Variants in IL1RAPL2 observed in about 807,000 individuals in gnomAD.
The protein encoded by IL1RAPL2 is interleukin 1 receptor accessory protein like 2, also known as X-linked interleukin-1 receptor accessory protein-like 2.
A neutral mutation model predicts 44.1 loss-of-function variants in IL1RAPL2; 3 were observed. That is an observed-to-expected ratio of 0.07 (90% confidence interval 0.03 to 0.18). The LOEUF (loss-of-function observed/expected upper bound fraction) is 0.18, where lower values mean the gene tolerates loss of function less well. Ranked by LOEUF, IL1RAPL2 falls within the 10% of genes least tolerant of loss-of-function variation. The pLI is 1.00. For synonymous variants in IL1RAPL2, 181 were observed against 178.8 expected (o/e 1.01, Z -0.10); for missense variants, 391 against 496.4 (o/e 0.79, Z 2.02).
chrX:104,650,604 C>T (rs1227108153), intron 1 of IL1RAPL2, among the ~76,000 whole-genome samples: 1 of 110,923 alleles, frequency 9.0e-6, no homozygotes, highest in African/African-American at 3.3e-5. Flanking sequence ...TTTTCCCTTT[C>T]AATGGGAAAT....
chrX:105,708,988 A>G (rs774809190), intron 6 of IL1RAPL2, among the ~76,000 whole-genome samples: 28 of 112,445 alleles, frequency 2.5e-4, no homozygotes, highest in Non-Finnish European at 4.1e-4. Flanking sequence ...CACATACAAC[A>G]TATTTGCTTG....
At chrX:105,522,196 A>G (rs1425758617) in intron 6 of IL1RAPL2, among the ~76,000 whole-genome samples, 2 of 112,158 alleles carry the variant, frequency 1.8e-5, no homozygotes, top group Non-Finnish European at 3.8e-5. Context: ...ACCCTTTGGA[A>G]TTATTTAGTT....
intron 2 of IL1RAPL2, among the ~76,000 whole-genome samples, chrX:104,723,860 A>G (rs1468651472): frequency 9.0e-6 from 1 of 111,242 alleles, no homozygotes; most frequent in Non-Finnish European, 1.9e-5. Context: ...TGAGGAACAT[A>G]CAGTACAGGC....
intron 2 of IL1RAPL2, among the ~76,000 whole-genome samples, chrX:104,894,190 G>A (rs1370775066): frequency 9.0e-6 from 1 of 111,596 alleles, no homozygotes; most frequent in Non-Finnish European, 1.9e-5. Flanking sequence ...TGGGTAACCC[G>A]ACCTTTCTCT....
intron 2 of IL1RAPL2, among the ~76,000 whole-genome samples, chrX:104,772,367 C>T (rs1023894308): frequency 8.9e-5 from 10 of 112,216 alleles, no homozygotes; most frequent in Non-Finnish European, 1.5e-4. Flanking sequence ...ATGTGCTTTA[C>T]GTATTTCCAC....
intron 2 of IL1RAPL2, among the ~76,000 whole-genome samples, chrX:105,016,432 A>G (rs903393316): frequency 2.7e-5 from 3 of 111,464 alleles, no homozygotes; most frequent in Non-Finnish European, 3.8e-5. Flanking sequence ...CCCATTCAGT[A>G]TGACATTGCC....
rs964009774 is a variant in IL1RAPL2 at position 104,836,732 on chromosome X, AT to A, written c.82+177744del. Among the ~76,000 whole-genome samples, 4 of 111,012 alleles carry A rather than the reference AT, an allele frequency of 3.6e-5. No homozygotes were observed. The Admixed American group carries it at 3.9e-4, about 11-fold the overall frequency. Reference sequence around the variant, plus strand: ...ACAATTCTTTATTTTTTATTTATTTATTTTTTTACTTTAAGTTCTGGGATAC... The same window carrying A: ...ACAATTCTTTATTTTTTATTTATTTATTTTTTACTTTAAGTTCTGGGATAC... On this transcript the variant is annotated intron_variant, in intron 2 of 10. Transcript: ENST00000372582.
At chrX:105,348,042 A>G (rs993212631) in intron 5 of IL1RAPL2, among the ~76,000 whole-genome samples, 6 of 111,915 alleles carry the variant, frequency 5.4e-5, no homozygotes, top group Non-Finnish European at 1.9e-5. Flanking sequence ...TTTATCTTAA[A>G]TTCTCCTTTA....
chrX:105,472,989 ACCTTGGTCAAGTGACCTAACC>A (rs778769461), intron 5 of IL1RAPL2, among the ~76,000 whole-genome samples: 6 of 111,982 alleles, frequency 5.4e-5, no homozygotes, highest in Admixed American at 9.5e-5. Context: ...TAGCAAGGTA[ACCTTGGTCAAGTGACCTAACC>A]CCTTTGGCCT....
chrX:104,664,188 C>T (rs1051561250), intron 2 of IL1RAPL2, among the ~76,000 whole-genome samples: 1 of 111,259 alleles, frequency 9.0e-6, no homozygotes, highest in Admixed American at 9.6e-5. Flanking sequence ...TTAATATCTT[C>T]TTCCATTATC....
At chrX:105,407,141 CTG>C (rs2035652116) in intron 5 of IL1RAPL2, 2 of 431,241 alleles carry the variant, frequency 4.6e-6, no homozygotes, top group Non-Finnish European at 8.0e-6. Flanking sequence ...AGAAATAACA[CTG>C]TAAGGAAATT....
intron 5 of IL1RAPL2, among the ~76,000 whole-genome samples, chrX:105,365,499 A>G (rs1465694891): frequency 1.8e-5 from 2 of 111,303 alleles, no homozygotes; most frequent in Non-Finnish European, 3.8e-5. Context: ...AATATTTGGT[A>G]GAATTCAGCA....
At chrX:105,031,712 G>C (rs754137130) in intron 2 of IL1RAPL2, among the ~76,000 whole-genome samples, 2 of 111,312 alleles carry the variant, frequency 1.8e-5, no homozygotes, top group Non-Finnish European at 3.8e-5. Flanking sequence ...TCTCTTTTTT[G>C]GTTGTGTCTC....
At chrX:105,638,861 A>T (rs2037544064) in intron 6 of IL1RAPL2, among the ~76,000 whole-genome samples, 1 of 111,987 alleles carries the variant, frequency 8.9e-6, no homozygotes, top group Non-Finnish European at 1.9e-5. Context: ...TCAGGCTTTT[A>T]TGTTGACCTG....
At chrX:105,269,850 A>G (rs1221235510) in intron 5 of IL1RAPL2, among the ~76,000 whole-genome samples, 2 of 112,246 alleles carry the variant, frequency 1.8e-5, no homozygotes, top group Non-Finnish European at 3.8e-5. Flanking sequence ...AGAATAAAGT[A>G]AATACGAAAC....
At chrX:105,328,100 AG>A (rs2034954572) in intron 5 of IL1RAPL2, among the ~76,000 whole-genome samples, 1 of 111,487 alleles carries the variant, frequency 9.0e-6, no homozygotes, top group Non-Finnish European at 1.9e-5. Flanking sequence ...AAATGAAAAA[AG>A]GAAATCAATG....
intron 2 of IL1RAPL2, among the ~76,000 whole-genome samples, chrX:104,703,009 A>T (rs918064441): frequency 9.0e-6 from 1 of 111,328 alleles, no homozygotes; most frequent in Non-Finnish European, 1.9e-5. Flanking sequence ...CATATGGACA[A>T]GCATGGCTCC....
At chrX:104,685,770 A>T (rs999857814) in intron 2 of IL1RAPL2, among the ~76,000 whole-genome samples, 6 of 108,592 alleles carry the variant, frequency 5.5e-5, no homozygotes, top group East Asian at 2.9e-4. Context: ...CAAGTGTAAT[A>T]AAAAAAAATT....
intron 2 of IL1RAPL2, among the ~76,000 whole-genome samples, chrX:105,020,246 A>C (rs1001236768): frequency 9.0e-6 from 1 of 111,208 alleles, no homozygotes; most frequent in African/African-American, 3.3e-5. Flanking sequence ...CTGCCTCCAA[A>C]AGAGCTAGGA....
Sources: allele counts gnomAD v4.1 joint callset (sites outside exome capture counted in the v4.1 genomes callset), GRCh38; gene constraint gnomAD v4.1.1; transcripts MANE v1.5; gene names NCBI Gene and HGNC (gene_info 2026-07-23, HGNC 2026-07-21).